Variants in KCNIP4 observed in about 807,000 individuals in gnomAD.
KCNIP4 encodes Kv channel-interacting protein 4.
In KCNIP4, 12 loss-of-function variants were observed where a neutral mutation model predicts 34.0. The ratio of observed to expected loss-of-function variants is 0.35; its 90% CI spans 0.23 to 0.57. KCNIP4 has a LOEUF of 0.57. Among genes scored for constraint, KCNIP4 ranks in the 20% least tolerant of loss-of-function variants. KCNIP4 has a pLI of 0.83. For missense variants in KCNIP4, 238 were observed against 311.7 expected, an observed-to-expected ratio of 0.76 and a Z score of 1.78; for synonymous variants, 124 against 102.2, an observed-to-expected ratio of 1.21 and a Z score of -1.29.
intron 1 of KCNIP4, among the ~76,000 whole-genome samples, chr4:21,693,652 T>G (rs1208852900): frequency 6.6e-6 from 1 of 152,232 alleles, no homozygotes. Flanking sequence ...ATTTTAAGGC[T>G]GGAAACCACT....
At chr4:21,688,366 G>A (rs753180876) in intron 1 of KCNIP4, among the ~76,000 whole-genome samples, 1 of 152,112 alleles carries the variant, frequency 6.6e-6, no homozygotes, top group Non-Finnish European at 1.5e-5. Context: ...CAATCCAGAA[G>A]AGTCCAAAAA....
chr4:21,208,146 T>G (rs940411148), intron 1 of KCNIP4, among the ~76,000 whole-genome samples: 3 of 152,186 alleles, frequency 2.0e-5, no homozygotes, highest in African/African-American at 7.2e-5. Flanking sequence ...CTGGCCTATA[T>G]TTACTTTCTA....
At chr4:21,093,556 GA>G (rs11292454) in intron 1 of KCNIP4, among the ~76,000 whole-genome samples, 49,856 of 150,860 alleles carry the variant, frequency 0.33, 10,003 homozygotes, top group African/African-American at 0.58. Context: ...AAGAAATATG[GA>G]AAAAAAAATT....
At chr4:21,465,306 C>T (rs574676845) in intron 1 of KCNIP4, among the ~76,000 whole-genome samples, 2 of 152,202 alleles carry the variant, frequency 1.3e-5, no homozygotes, top group Admixed American at 6.5e-5. Flanking sequence ...AGAGTAAGAA[C>T]TTGACATGCT....
At position 21,648,903 on chromosome 4, in the gene KCNIP4, T is replaced by A. The variant is rs554301973; in HGVS notation, c.61+299668A>T. 6.6e-5 allele frequency among the ~76,000 whole-genome samples: 10 copies of A among 152,332 alleles called. No homozygotes were observed. The South Asian group carries it at 1.0e-3, about 16-fold the overall frequency. On this transcript the variant is annotated intron_variant, in intron 1 of 8. Transcript: ENST00000382152. ...TTTAAATTCCCTTGTGTTTGCTTTATGATATATACTCCTGTCCCTCCTGTT... is the reference window on the plus strand; with the variant it reads ...TTTAAATTCCCTTGTGTTTGCTTTAAGATATATACTCCTGTCCCTCCTGTT...
At chr4:21,305,150 A>G (rs563198082) in intron 1 of KCNIP4, among the ~76,000 whole-genome samples, 1 of 152,322 alleles carries the variant, frequency 6.6e-6, no homozygotes, top group South Asian at 2.1e-4. Flanking sequence ...CTCCTATTTC[A>G]TAGATGAACA....
chr4:20,771,870 C>A lies in KCNIP4; in HGVS notation c.289-12980G>T, dbSNP rs1434963553. Among the ~76,000 whole-genome samples, 4 of 152,184 alleles carry A rather than the reference C, an allele frequency of 2.6e-5. No individual in the cohort carries two copies. The East Asian group carries it at 7.8e-4, about 30-fold the overall frequency. Reference sequence around the variant, plus strand: ...TATTTTTAGTAGAGACGGGGTTTCACCGTGTTAGCCAGGATGGTCTCGATC... The same window carrying A: ...TATTTTTAGTAGAGACGGGGTTTCAACGTGTTAGCCAGGATGGTCTCGATC... On this transcript the variant is annotated intron_variant, in intron 3 of 8. Transcript: ENST00000382152.
At chr4:21,760,117 G>A (rs751181383) in intron 1 of KCNIP4, among the ~76,000 whole-genome samples, 7 of 151,942 alleles carry the variant, frequency 4.6e-5, no homozygotes, top group Non-Finnish European at 8.8e-5. Context: ...TAATGTTGCC[G>A]TGCAGCTCAA....
intron 1 of KCNIP4, among the ~76,000 whole-genome samples, chr4:21,038,097 C>T (rs563476933): frequency 2.0e-5 from 3 of 152,334 alleles, no homozygotes; most frequent in East Asian, 3.9e-4. Context: ...CCTGCCTCAG[C>T]CTCCCGAGTA....
intron 1 of KCNIP4, among the ~76,000 whole-genome samples, chr4:21,262,197 G>A (rs954597115): frequency 6.6e-6 from 1 of 151,886 alleles, no homozygotes; most frequent in East Asian, 1.9e-4. Flanking sequence ...AGTGGATCCT[G>A]CTCATCTTTC....
chr4:21,321,229 G>T (rs368294184), intron 1 of KCNIP4, among the ~76,000 whole-genome samples: 1 of 152,122 alleles, frequency 6.6e-6, no homozygotes, highest in Non-Finnish European at 1.5e-5. Flanking sequence ...AGCCAGCAAG[G>T]TTTCAGCCTT....
At chr4:20,864,455 T>C (rs1454979847) in intron 2 of KCNIP4, among the ~76,000 whole-genome samples, 1 of 151,932 alleles carries the variant, frequency 6.6e-6, no homozygotes, top group Non-Finnish European at 1.5e-5. Context: ...CTATAAATGC[T>C]ATATTCTTGT....
chr4:21,802,136 G>C (rs533617229), intron 1 of KCNIP4, among the ~76,000 whole-genome samples: 1 of 152,012 alleles, frequency 6.6e-6, no homozygotes, highest in Non-Finnish European at 1.5e-5. Context: ...ACTGTTGCCT[G>C]TCTTACAAAT....
chr4:21,273,033 G>T (rs1283755562), intron 1 of KCNIP4, among the ~76,000 whole-genome samples: 2 of 152,152 alleles, frequency 1.3e-5, no homozygotes, highest in South Asian at 2.1e-4. Flanking sequence ...CACTGCCAAG[G>T]ATGATACTGG....
intron 1 of KCNIP4, among the ~76,000 whole-genome samples, chr4:21,471,910 T>C (rs1730500109): frequency 6.6e-6 from 1 of 152,188 alleles, no homozygotes; most frequent in Admixed American, 6.5e-5. Flanking sequence ...ATTTAATCGA[T>C]TTCTAAATAA....
intron 3 of KCNIP4, among the ~76,000 whole-genome samples, chr4:20,810,523 A>G (rs1289020633): frequency 2.0e-5 from 3 of 152,184 alleles, no homozygotes; most frequent in Non-Finnish European, 4.4e-5. Flanking sequence ...CTGTATGAAA[A>G]GATGACTATA....
chr4:20,837,457 G>T (rs1224957178), intron 3 of KCNIP4, among the ~76,000 whole-genome samples: 1 of 151,984 alleles, frequency 6.6e-6, no homozygotes, highest in African/African-American at 2.4e-5. Context: ...GTGAAAAGCA[G>T]AAAATGATCT....
chr4:21,723,454 C>T (rs993679512), intron 1 of KCNIP4, among the ~76,000 whole-genome samples: 7 of 152,038 alleles, frequency 4.6e-5, no homozygotes, highest in African/African-American at 1.7e-4. Context: ...AGTATATTTA[C>T]CCATCATCTC....
At chr4:21,296,410 T>C (rs370872293) in intron 1 of KCNIP4, among the ~76,000 whole-genome samples, 19 of 143,988 alleles carry the variant, frequency 1.3e-4, no homozygotes, top group South Asian at 2.2e-4. Context: ...CTCTCTCTCT[T>C]TTTTTTTTTG....
Sources: allele counts gnomAD v4.1 joint callset (sites outside exome capture counted in the v4.1 genomes callset), GRCh38; gene constraint gnomAD v4.1.1; transcripts MANE v1.5; gene names NCBI Gene and HGNC (gene_info 2026-07-23, HGNC 2026-07-21).